Variants in BCL6 observed in about 807,000 individuals in gnomAD.
BCL6 encodes B-cell lymphoma 6 protein.
A neutral mutation model predicts 59.5 loss-of-function variants in BCL6; 7 were observed. The observed-to-expected ratio is 0.12, with a 90% CI of 0.07 to 0.22. BCL6 has a LOEUF of 0.22. Ranked by LOEUF, BCL6 falls within the 10% of genes least tolerant of loss-of-function variation. The probability of loss-of-function intolerance (pLI) is 1.00; values close to 1 mark genes in which losing one functional copy is unlikely to be tolerated. For missense variants in BCL6, 685 were observed against 939.4 expected, an observed-to-expected ratio of 0.73 and a Z score of 3.54; for synonymous variants, 339 against 349.7, an observed-to-expected ratio of 0.97 and a Z score of 0.34.
intron 1 of BCL6, among the ~76,000 whole-genome samples, chr3:187,741,061 A>C (rs1331788690): frequency 1.3e-5 from 2 of 152,088 alleles, no homozygotes; most frequent in Admixed American, 1.3e-4. Context: ...CCCGTCCGAG[A>C]ATCGCCGCGC....
In BCL6 at chr3:187,745,438, T is replaced by A. The variant is rs539672515; in HGVS notation, c.-78A>T. On this transcript the variant is annotated 5_prime_UTR_variant, in exon 1 of 10. It adds an upstream start codon to the 5' untranslated region. Transcript: ENST00000406870. ...GTGTCCGGCCTTTCCTAGAAACTTC[T>A]TGCATCACCACTTCTAAGAACCCCA... 2.5e-6 allele frequency: 1 copy of A among 399,702 alleles called. No individual in the cohort carries two copies. The highest frequency in any genetic ancestry group is 3.6e-5 in the East Asian group (1 of 28,076). The allele number at this position is 399,702 out of a possible 1,614,324, so 24.8% of individuals were successfully genotyped here. A position where few individuals can be genotyped will look rare whatever the true frequency, so the allele number is the denominator to read the frequency against.
intron 1 of BCL6, among the ~76,000 whole-genome samples, chr3:187,735,287 C>T (rs747709541): frequency 4.6e-5 from 7 of 152,138 alleles, no homozygotes; most frequent in Non-Finnish European, 8.8e-5. Flanking sequence ...ACGATTCGTC[C>T]GTGGCCTAAA....
At chr3:187,745,233 T>C (rs542392281) in intron 1 of BCL6, among the ~76,000 whole-genome samples, 177 bp downstream of exon 1, 3 of 152,158 alleles carry the variant, frequency 2.0e-5, no homozygotes, top group Admixed American at 6.5e-5. Flanking sequence ...TATATACATT[T>C]ATATCAATAG....
chr3:187,733,819 G>C, intron 2 of BCL6, 116 bp from the exon 3 acceptor site: 1 of 1,068,252 alleles, frequency 9.4e-7, no homozygotes, highest in Non-Finnish European at 1.4e-6. Context: ...CAGGTCCCTT[G>C]TATTTGATCT....
intron 2 of BCL6, 37 bp from the exon 3 acceptor site, chr3:187,733,740 G>A (rs754141541): frequency 5.0e-6 from 8 of 1,608,976 alleles, no homozygotes; most frequent in Non-Finnish European, 6.8e-6. Context: ...TAGTCCTCCA[G>A]AACCTGTTTC....
Position 187,722,268 on chromosome 3 carries a change from G to T in BCL6, c.*190C>A. The T allele has an allele frequency of 1.8e-6, 1 of 571,022 alleles. No homozygotes were observed. Among genetic ancestry groups the T allele is most frequent in the Non-Finnish European group, 2.8e-6 (1 of 352,680 alleles). 35.4% of individuals were successfully genotyped at this position (571,022 alleles called of 1,614,324 possible). ...ATTTTCTTAATGTTTTATGGCAGTG[G>T]GGGAGGGGGAGCTGCTGCGGCTCCC... is the stretch of plus-strand genomic sequence containing the variant. On this transcript the variant is annotated 3_prime_UTR_variant, in exon 10 of 10. Coordinates refer to ENST00000406870, the MANE Select transcript of BCL6 (RefSeq NM_001706.5).
intron 1 of BCL6, among the ~76,000 whole-genome samples, chr3:187,744,127 A>C (rs1711751136): frequency 6.6e-6 from 1 of 152,256 alleles, no homozygotes; most frequent in African/African-American, 2.4e-5. Flanking sequence ...CACCATGGGA[A>C]AAAATAAAAT....
intron 1 of BCL6, among the ~76,000 whole-genome samples, chr3:187,741,773 C>T (rs1711606245): frequency 1.3e-5 from 2 of 152,186 alleles, no homozygotes; most frequent in South Asian, 4.1e-4. Context: ...CTCAACACAC[C>T]CCCTACACAT....
At chr3:187,724,418 A>C (rs563279557) in intron 9 of BCL6, among the ~76,000 whole-genome samples, 5 of 152,236 alleles carry the variant, frequency 3.3e-5, no homozygotes, top group African/African-American at 9.6e-5. Flanking sequence ...GTCGTGCTGC[A>C]TGGCTGGCCG....
intron 2 of BCL6, 134 bp downstream of exon 2, chr3:187,734,735 G>A (rs1379690845): frequency 6.6e-6 from 1 of 152,668 alleles, no homozygotes; most frequent in African/African-American, 2.4e-5. Context: ...AGGACTAGGA[G>A]TGATGTAGAG....
rs1415586590 is a variant in BCL6, at chr3:187,729,023, TCAGACCCAGA to T, written c.1355+17_1355+26del. On this transcript the variant is annotated intron_variant, in intron 5 of 9. Transcript: ENST00000406870. The surrounding 1 kb of genome is among the most constrained non-coding windows in gnomAD (Gnocchi z 5.6). ...AACCCTGCCCAGGTAACCCCTGACC[TCAGACCCAGA>T]CAGTCTCTGAAATCACCTGTTAACG... The T allele has an allele frequency of 6.6e-7, 1 of 1,513,310 alleles. No homozygotes were observed. The highest frequency in any genetic ancestry group is 1.4e-5 in the African/African-American group (1 of 71,644). 93.7% of individuals were successfully genotyped at this position (1,513,310 alleles called of 1,614,324 possible).
chr3:187,744,981 A>C (rs1576886066), intron 1 of BCL6, among the ~76,000 whole-genome samples: 15 of 150,256 alleles, frequency 1.0e-4, no homozygotes, highest in Middle Eastern at 6.8e-3. Context: ...ATCACCCCCC[A>C]AGCACTGTCT....
chr3:187,722,322 C>T lies in BCL6; in HGVS notation c.*136G>A. On this transcript the variant is annotated 3_prime_UTR_variant, in exon 10 of 10. Transcript: ENST00000406870. Reference sequence around the variant, plus strand: ...CCCCCAGGCCCCGACCCCCACCACCCCCAACCCCCAGCTATGATTTGCACT... The same window carrying T: ...CCCCCAGGCCCCGACCCCCACCACCTCCAACCCCCAGCTATGATTTGCACT... 1.6e-6 allele frequency: 1 copy of T among 631,780 alleles called. No individual in the cohort carries two copies. The highest frequency in any genetic ancestry group is 2.2e-6 in the Non-Finnish European group (1 of 460,714). 39.1% of individuals were successfully genotyped at this position (631,780 alleles called of 1,614,324 possible).
At chr3:187,744,737 G>A (rs534370756) in intron 1 of BCL6, among the ~76,000 whole-genome samples, 4 of 152,190 alleles carry the variant, frequency 2.6e-5, no homozygotes, top group East Asian at 1.9e-4. Context: ...GAGTTACCCA[G>A]AAGGACAGGG....
intron 1 of BCL6, 178 bp from the exon 2 acceptor site, chr3:187,735,085 A>G (rs1452819382): frequency 6.6e-6 from 1 of 152,310 alleles, no homozygotes; most frequent in Non-Finnish European, 1.5e-5. Context: ...CGGAAACAAC[A>G]GGCACCCGAA....
intron 4 of BCL6, among the ~76,000 whole-genome samples, chr3:187,731,265 A>G (rs1415235282): frequency 6.6e-6 from 1 of 152,242 alleles, no homozygotes; most frequent in East Asian, 1.9e-4. Context: ...ACTAAGGCAC[A>G]TATGTAAATA....
intron 1 of BCL6, among the ~76,000 whole-genome samples, chr3:187,740,425 A>C (rs946492094): frequency 5.9e-5 from 9 of 152,154 alleles, no homozygotes; most frequent in Admixed American, 1.3e-4. Flanking sequence ...CATTACCGAA[A>C]ATCTTAGGCC....
intron 1 of BCL6, among the ~76,000 whole-genome samples, chr3:187,744,493 A>T (rs550197124): frequency 6.6e-6 from 1 of 152,238 alleles, no homozygotes; most frequent in African/African-American, 2.4e-5. Context: ...GGGAACACCA[A>T]AACACTCGGC....
rs774667475 is a variant in BCL6, at chr3:187,729,938, G to A, written c.467C>T (p.Ala156Val). Residue 156 changes from alanine to valine, a missense_variant, in exon 5 of 10, where the codon GCC becomes GTC. By Grantham distance (64) the Ala-to-Val change is moderately conservative. Around this residue, in one of 7 missense-constraint regions of BCL6, gnomAD observed 268 missense variants for 263.8 expected, o/e 1.02. Coordinates refer to ENST00000406870, the MANE Select transcript of BCL6 (RefSeq NM_001706.5). This position sits in a 1 kb window ranked among gnomAD's most constrained non-coding sequence, Gnocchi z 5.6. ...CTCCACCACCTCACGACCCCGATAG[G>A]CCATGATGTCTTGGGGCATCAGCAT... ...SRMLMPQDIM[A>V]YRGREVVENN... 6.2e-7 allele frequency: 1 copy of A among 1,613,610 alleles called. No individual in the cohort carries two copies. The highest frequency in any genetic ancestry group is 8.5e-7 in the Non-Finnish European group (1 of 1,179,850).
Sources: gnomAD v4.1 joint callset for allele counts (sites outside exome capture counted in the v4.1 genomes callset) on GRCh38, gnomAD v4.1.1 for gene constraint, gnomAD v4.1.1 regional missense constraint, Gnocchi (gnomAD v3.1) non-coding constraint, MANE v1.5 for transcripts, NCBI Gene and HGNC (gene_info 2026-07-23, HGNC 2026-07-21) for gene names.